The following SPATA31E1 variants were observed in gnomAD, a reference collection of about 807,000 sequenced individuals.
SPATA31E1 encodes the protein spermatogenesis-associated protein 31E1.
SPATA31E1 carries 7 observed loss-of-function variants against 12.9 expected under a neutral mutation model. The ratio of observed to expected loss-of-function variants is 0.54; its 90% confidence interval spans 0.31 to 1.02. The LOEUF is 1.02. Among genes scored for constraint, SPATA31E1 ranks in the 50% least tolerant of loss-of-function variants. SPATA31E1 has a pLI of 0.05. For missense variants in SPATA31E1, 1,961 were observed against 1,799.8 expected (o/e 1.09, Z -1.62); for synonymous variants, 771 against 719.0 (o/e 1.07, Z -1.16).
chr9:87,884,844 T>G, intron 3 of SPATA31E1, 69 bp from the exon 4 acceptor site: 1 of 1,525,626 alleles, frequency 6.6e-7, no homozygotes, highest in Non-Finnish European at 8.8e-7. Flanking sequence ...GGGCCCCAGG[T>G]GCCCACCCGT....
Position 87,887,601 on chromosome 9 carries a change from G to C in SPATA31E1, c.3114G>C (p.Val1038=), listed in dbSNP as rs769492621. 14 of 1,614,174 alleles carry C rather than the reference G, an allele frequency of 8.7e-6. No homozygotes were observed. In the Admixed American group the frequency reaches 1.8e-4, roughly 21 times the overall value. Residue 1038 remains valine, a synonymous_variant, in exon 4 of 4, where the codon GTG becomes GTC. Transcript: ENST00000325643. ...RAEDALQALK[V]GEKPPTWEVT... ...AAGATGCCCTGCAGGCACTGAAAGT[G>C]GGGGAGAAGCCCCCAACTTGGGAAG...
Position 87,888,726 on chromosome 9 carries a change from T to C in SPATA31E1, c.4239T>C (p.Ala1413=). 1.2e-6 allele frequency: 2 copies of C among 1,613,844 alleles called. No homozygotes were observed. Among genetic ancestry groups the C allele is most frequent in the African/African-American group, 1.3e-5 (1 of 75,066 alleles). ...APPPREPVSP[A]GPHHHRPRMA... is the part of the protein sequence containing the mutation. The stretch of plus-strand genomic sequence containing the variant: ...CTCCCAGGGAGCCTGTGTCCCCAGC[T>C]GGTCCCCACCACCACAGGCCAAGAA... Residue 1413 remains alanine (A), a synonymous_variant, in exon 4 of 4, where the codon GCT becomes GCC. Transcript: ENST00000325643.
chr9:87,887,554 G>A lies in SPATA31E1; in HGVS notation c.3067G>A (p.Gly1023Arg). The change falls in exon 4 of 4, where the codon GGG (glycine) becomes AGG (arginine). Residue 1023 changes from glycine (G) to arginine (R), a missense_variant. Physicochemically the swap from Gly to Arg is moderately radical, Grantham distance 125 (BLOSUM62 -2). Coordinates refer to ENST00000325643, the MANE Select transcript of SPATA31E1 (RefSeq NM_178828.5). The stretch of plus-strand genomic sequence containing the variant: ...CAGAGCCCTGCAAGTGCTCAGCATA[G>A]GGTCCCAGTGGGCAAGGGCTGAAGA... ...SSRALQVLSI[G>R]SQWARAEDAL... 1 of 1,614,124 alleles carries A rather than the reference G, an allele frequency of 6.2e-7. No homozygotes were observed. The highest frequency in any genetic ancestry group is 8.5e-7 in the Non-Finnish European group (1 of 1,180,034).
In SPATA31E1 at chr9:87,888,538, G is replaced by A. The variant is rs143446193; in HGVS notation, c.4051G>A (p.Ala1351Thr). The change falls in exon 4 of 4, where the codon GCC (alanine) becomes ACC (threonine). Residue 1351 changes from alanine to threonine, a missense_variant. Transcript: ENST00000325643. ...EVNRHKGDFR[A>T]QENVPSCCHR... ...CAATCGCCACAAAGGTGACTTCCGC[G>A]CCCAGGAGAATGTGCCTTCCTGCTG... The A allele has an allele frequency of 2.6e-5, 42 of 1,614,006 alleles. No homozygotes were observed. The highest frequency in any genetic ancestry group is 3.2e-5 in the Non-Finnish European group (38 of 1,180,028).
At position 87,886,887 on chromosome 9, in the gene SPATA31E1, C is replaced by T. The variant is rs770631655; in HGVS notation, c.2400C>T (p.Asp800=). The change falls in exon 4 of 4, where the codon GAC becomes GAT. Residue 800 remains aspartate (D), a synonymous_variant. Transcript: ENST00000325643. ...LMAKCAVPKS[D]THRKPGKLAS... ...CCAAATGTGCTGTTCCCAAGTCTGA[C>T]ACCCACAGGAAACCTGGGAAGCTGG... 2 of 1,614,046 alleles carry T rather than the reference C, an allele frequency of 1.2e-6. No homozygotes were observed.
chr9:87,884,570 AC>A lies in SPATA31E1; in HGVS notation c.365-18del. Reference sequence around the variant, plus strand: ...CCCAGGCACCGCCCTCTCCACCATAACCCTGTCTCCTGATTTCCAGCTTGCA... The same window carrying A: ...CCCAGGCACCGCCCTCTCCACCATAACCTGTCTCCTGATTTCCAGCTTGCA... On this transcript the variant is annotated intron_variant, in intron 2 of 3. Coordinates refer to ENST00000325643, the MANE Select transcript of SPATA31E1 (RefSeq NM_178828.5). 6.2e-7 allele frequency: 1 copy of A among 1,613,944 alleles called. No individual in the cohort carries two copies. The highest frequency in any genetic ancestry group is 8.5e-7 in the Non-Finnish European group (1 of 1,179,916).
rs758475817 is a variant in SPATA31E1, at chr9:87,888,172, G to C, written c.3685G>C (p.Gly1229Arg). The C allele has an allele frequency of 3.7e-6, 6 of 1,613,228 alleles. No individual in the cohort carries two copies. In the Admixed American group the frequency reaches 1.0e-4, roughly 27 times the overall value. ...SKGPRTSEAS[G>R]RSHPAQAREI... ...GGGACCCAGGACCTCTGAAGCCAGT[G>C]GGAGGAGCCACCCTGCCCAAGCCAG... Residue 1229 changes from glycine to arginine, a missense_variant, in exon 4 of 4, where the codon GGG becomes CGG. By Grantham distance (125) the Gly-to-Arg change is moderately radical. Transcript: ENST00000325643.
chr9:87,883,263 C>T, intron 1 of SPATA31E1, 63 bp downstream of exon 1: 1 of 1,511,174 alleles, frequency 6.6e-7, no homozygotes, highest in Non-Finnish European at 8.9e-7. Context: ...CCCCTCATTT[C>T]CACTTTTCCT....
In SPATA31E1 at chr9:87,885,252, T is replaced by C. The variant is rs142673558; in HGVS notation, c.765T>C (p.Ser255=). ...SPQPHGPLAS[S]PPPPDSSLAG... ...AGCCGCATGGTCCCCTGGCCTCCTC[T>C]CCACCTCCACCCGACTCCAGCCTGG... The change falls in exon 4 of 4, where the codon TCT becomes TCC. Residue 255 remains serine, a synonymous_variant. Coordinates refer to ENST00000325643, the MANE Select transcript of SPATA31E1 (RefSeq NM_178828.5). 4.2e-5 allele frequency: 67 copies of C among 1,613,922 alleles called. No homozygotes were observed. The highest frequency in any genetic ancestry group is 1.8e-4 in the Admixed American group (11 of 60,000).
chr9:87,887,114 C>T lies in SPATA31E1; in HGVS notation c.2627C>T (p.Thr876Ile), dbSNP rs1466151078. ...CCGCCCTTCCCACAATCCACCTTTA[C>T]CCCCTGGGCCTCCTGGGTATCTCGG... ...QAPPFPQSTF[T>I]PWASWVSRVE... Residue 876 changes from threonine (T) to isoleucine (I), a missense_variant, in exon 4 of 4, where the codon ACC becomes ATC. Physicochemically the swap from Thr to Ile is moderately conservative, Grantham distance 89 (BLOSUM62 -1). Coordinates refer to ENST00000325643, the MANE Select transcript of SPATA31E1 (RefSeq NM_178828.5). The T allele has an allele frequency of 1.2e-6, 2 of 1,614,110 alleles. No individual in the cohort carries two copies. Among genetic ancestry groups the T allele is most frequent in the Non-Finnish European group, 1.7e-6 (2 of 1,180,022 alleles).
At chr9:87,884,733 G>A (rs541626344) in intron 3 of SPATA31E1, 82 bp downstream of exon 3, 1 of 1,575,890 alleles carries the variant, frequency 6.3e-7, no homozygotes, top group African/African-American at 1.3e-5. Flanking sequence ...GGTGATCTGG[G>A]AGGGGGAGGT....
intron 3 of SPATA31E1, 34 bp from the exon 4 acceptor site, chr9:87,884,879 C>G (rs752844452): frequency 1.3e-6 from 2 of 1,577,362 alleles, no homozygotes. Flanking sequence ...CCCATCTACC[C>G]CTGGCTGCAG....
At position 87,887,775 on chromosome 9, in the gene SPATA31E1, GGTCA is replaced by G; in HGVS notation, c.3291_3294del (p.Ser1098ArgfsTer5). The G allele has an allele frequency of 6.2e-7, 1 of 1,613,980 alleles. No individual in the cohort carries two copies. The highest frequency in any genetic ancestry group is 1.3e-5 in the African/African-American group (1 of 75,058). On this transcript the variant is annotated frameshift_variant, in exon 4 of 4. Coordinates refer to ENST00000325643, the MANE Select transcript of SPATA31E1 (RefSeq NM_178828.5). LOFTEE classifies it low-confidence loss of function (END_TRUNC). ...AGCAGCTGCACCTGAAAGCGCAGGT[GGTCA>G]GTGAGATTGCGCTCATAGTGCAGGT...
Position 87,886,203 on chromosome 9 carries a change from G to C in SPATA31E1, c.1716G>C (p.Lys572Asn). Residue 572 changes from lysine (K) to asparagine (N), a missense_variant, in exon 4 of 4, where the codon AAG becomes AAC. Transcript: ENST00000325643. ...AGGAGTATCTTGAATGGCCCTTGAAGAAGCGACCAAAGTGGAAGAGGGTTT... is the reference window on the plus strand; with the variant it reads ...AGGAGTATCTTGAATGGCCCTTGAACAAGCGACCAAAGTGGAAGAGGGTTT... The part of the protein sequence containing the change: ...TGKEYLEWPL[K>N]KRPKWKRVLP... The C allele has an allele frequency of 6.2e-7, 1 of 1,613,258 alleles. No individual in the cohort carries two copies. The highest frequency in any genetic ancestry group is 2.2e-5 in the East Asian group (1 of 44,858).
Position 87,885,910 on chromosome 9 carries a change from T to C in SPATA31E1, c.1423T>C (p.Ser475Pro). 1 of 1,613,958 alleles carries C rather than the reference T, an allele frequency of 6.2e-7. No homozygotes were observed. The highest frequency in any genetic ancestry group is 8.5e-7 in the Non-Finnish European group (1 of 1,180,006). The stretch of plus-strand genomic sequence containing the variant: ...ACACTCTGTACCACTGGATAAAGCC[T>C]CCACTTCTCTTCCAGGTGAACCTGA... ...NAHSVPLDKA[S>P]TSLPGEPEVE... The change falls in exon 4 of 4, where the codon TCC becomes CCC. Residue 475 changes from serine to proline, a missense_variant. By Grantham distance (74) the Ser-to-Pro change is moderately conservative. Coordinates refer to ENST00000325643, the MANE Select transcript of SPATA31E1 (RefSeq NM_178828.5).
chr9:87,887,302 T>G lies in SPATA31E1; in HGVS notation c.2815T>G (p.Ser939Ala), dbSNP rs371489269. The G allele has an allele frequency of 2.4e-5, 39 of 1,613,296 alleles. No individual in the cohort carries two copies. Among genetic ancestry groups the G allele is most frequent in the Non-Finnish European group, 3.2e-5 (38 of 1,179,918 alleles). Residue 939 changes from serine (S) to alanine (A), a missense_variant, in exon 4 of 4, where the codon TCA becomes GCA. Physicochemically the swap from Ser to Ala is moderately conservative, Grantham distance 99 (BLOSUM62 1). Transcript: ENST00000325643. ...GVQRPPRGSQ[S>A]ADTHGRSEAF... Reference sequence around the variant, plus strand: ...CCAGAGGCCCCCGAGAGGGTCCCAGTCAGCTGATACCCATGGGCGATCAGA... The same window carrying G: ...CCAGAGGCCCCCGAGAGGGTCCCAGGCAGCTGATACCCATGGGCGATCAGA...
rs766988475 is a variant in SPATA31E1, at chr9:87,888,119, G to A, written c.3632G>A (p.Arg1211Lys). The part of the protein sequence containing the change: ...ADKGEAHRRP[R>K]TGEQGHRSKG... ...AAGGGCGAGGCCCACAGGAGGCCCA[G>A]AACAGGGGAGCAGGGACACAGGTCC... Residue 1211 changes from arginine (R) to lysine (K), a missense_variant, in exon 4 of 4, where the codon AGA becomes AAA. By Grantham distance (26) the Arg-to-Lys change is conservative. Transcript: ENST00000325643. The A allele has an allele frequency of 6.8e-6, 11 of 1,606,296 alleles. No individual in the cohort carries two copies. In the East Asian group the frequency reaches 2.2e-4, roughly 33 times the overall value.
Position 87,886,591 on chromosome 9 carries a change from T to A in SPATA31E1, c.2104T>A (p.Phe702Ile), listed in dbSNP as rs758994314. The A allele has an allele frequency of 3.7e-6, 6 of 1,613,730 alleles. No individual in the cohort carries two copies. The South Asian group carries it at 6.6e-5, about 18-fold the overall frequency. Residue 702 changes from phenylalanine (F) to isoleucine (I), a missense_variant, in exon 4 of 4, where the codon TTC becomes ATC. Transcript: ENST00000325643. ...QKTGFRSSGR[F>I]SDKGCLGSKL... is the part of the protein sequence containing the mutation. ...GACCGGGTTCAGGAGCTCCGGAAGG[T>A]TCTCTGACAAGGGGTGCTTAGGGTC...
At position 87,887,360 on chromosome 9, in the gene SPATA31E1, G is replaced by GT. The variant is rs780733169; in HGVS notation, c.2875dup (p.Ser959PhefsTer44). 1 of 1,613,808 alleles carries GT rather than the reference G, an allele frequency of 6.2e-7. No homozygotes were observed. Among genetic ancestry groups the GT allele is most frequent in the South Asian group, 1.1e-5 (1 of 91,080 alleles). ...CCGACTGGACACAAGGGCAGGGGGTGTTCTCAGCCCCCAACATGCAGCCTT... is the reference window on the plus strand; with the variant it reads ...CCGACTGGACACAAGGGCAGGGGGTGTTTCTCAGCCCCCAACATGCAGCCTT... On this transcript the variant is annotated frameshift_variant, in exon 4 of 4. Coordinates refer to ENST00000325643, the MANE Select transcript of SPATA31E1 (RefSeq NM_178828.5). LOFTEE classifies it low-confidence loss of function (END_TRUNC).
Sources: gnomAD v4.1 joint callset for allele counts on GRCh38, gnomAD v4.1.1 for gene constraint, MANE v1.5 for transcripts, NCBI Gene and HGNC (gene_info 2026-07-23, HGNC 2026-07-21) for gene names.